Variants in MINAR1 observed in about 807,000 individuals in gnomAD.
MINAR1 encodes the protein membrane integral NOTCH2 associated receptor 1.
A neutral mutation model predicts 65.1 loss-of-function variants in MINAR1; 40 were observed. The observed-to-expected ratio is 0.61, with a 90% CI of 0.48 to 0.80. The LOEUF is 0.80. Among genes scored for constraint, MINAR1 ranks in the 30% least tolerant of loss-of-function variants. MINAR1 has a pLI of 0.00. For missense variants in MINAR1, 1,128 were observed against 1,148.0 expected (o/e 0.98, Z 0.25); for synonymous variants, 482 against 449.1 (o/e 1.07, Z -0.93).
the MINAR1 span, chr15:79,416,889 T>TC: frequency 2.0e-5 from 3 of 152,298 alleles, no homozygotes; most frequent in Admixed American, 1.3e-4. Context: ...CTGCTCCTCC[T>TC]CTCAGCATCC....
rs1259044039 is a variant in MINAR1, at chr15:79,456,854, G to A, written c.707G>A (p.Ser236Asn). Residue 236 changes from serine (S) to asparagine (N), a missense_variant, in exon 2 of 4, where the codon AGC becomes AAC. Transcript: ENST00000305428. ...CAGGACTCCCTGCCCATCAATCAGA[G>A]CATCAAGGAGACCTTCATTTCCAAT... is the stretch of plus-strand genomic sequence containing the variant. ...SDQDSLPINQ[S>N]IKETFISNEE... 1.2e-6 allele frequency: 2 copies of A among 1,614,132 alleles called. No homozygotes were observed. Among genetic ancestry groups the A allele is most frequent in the Non-Finnish European group, 8.5e-7 (1 of 1,180,014 alleles).
Position 79,457,986 on chromosome 15 carries a change from G to C in MINAR1, c.1839G>C (p.Leu613=). ...IGEIERKLES[L]SGVRDEISQV... ...AAATTGAACGGAAGCTGGAATCCCT[G>C]TCGGGTGTCCGTGATGAAATCTCCC... Residue 613 remains leucine (L), a synonymous_variant, in exon 2 of 4, where the codon CTG becomes CTC. Coordinates refer to ENST00000305428, the MANE Select transcript of MINAR1 (RefSeq NM_015206.3). 1 of 1,614,112 alleles carries C rather than the reference G, an allele frequency of 6.2e-7. No homozygotes were observed. Among genetic ancestry groups the C allele is most frequent in the Non-Finnish European group, 8.5e-7 (1 of 1,179,994 alleles).
At chr15:79,422,475 G>T in the MINAR1 span, 1 of 151,892 alleles carries the variant, frequency 6.6e-6, no homozygotes, top group African/African-American at 2.4e-5. Context: ...TTGAACCCGG[G>T]AGGTGGAGGT....
intron 1 of MINAR1, among the ~76,000 whole-genome samples, chr15:79,440,626 C>T (rs937161011): frequency 2.0e-5 from 3 of 152,110 alleles, no homozygotes; most frequent in Non-Finnish European, 4.4e-5. Flanking sequence ...TCTGCTCTTC[C>T]GGTTCCCTCT....
the MINAR1 span, chr15:79,413,520 C>G: frequency 6.6e-6 from 1 of 152,248 alleles, no homozygotes; most frequent in Admixed American, 6.5e-5. Context: ...TTAAAATACA[C>G]ACATGGTGAG....
chr15:79,470,301 G>T lies in MINAR1; in HGVS notation c.*1917G>T, dbSNP rs1896033744. Reference sequence around the variant, plus strand: ...CTACTAGGTTACCACTCTGGGCATTGCCTTTCCACCTAACCCCTCAACCAG... The same window carrying T: ...CTACTAGGTTACCACTCTGGGCATTTCCTTTCCACCTAACCCCTCAACCAG... On this transcript the variant is annotated 3_prime_UTR_variant, in exon 4 of 4. Coordinates refer to ENST00000305428, the MANE Select transcript of MINAR1 (RefSeq NM_015206.3). 1 of 152,452 alleles carries T rather than the reference G, an allele frequency of 6.6e-6. No homozygotes were observed. Among genetic ancestry groups the T allele is most frequent in the Admixed American group, 6.5e-5 (1 of 15,274 alleles). 9.4% of individuals were successfully genotyped at this position (152,452 alleles called of 1,614,324 possible). A position where few individuals can be genotyped will look rare whatever the true frequency, so the allele number is the denominator to read the frequency against.
chr15:79,428,581 T>A, upstream of MINAR1, among the ~76,000 whole-genome samples: 1 of 151,690 alleles, frequency 6.6e-6, no homozygotes, highest in East Asian at 1.9e-4. Context: ...TCACAAACTT[T>A]TGCGGAATAC....
At chr15:79,465,591 A>G (rs1412719473) in intron 3 of MINAR1, among the ~76,000 whole-genome samples, 3 of 152,154 alleles carry the variant, frequency 2.0e-5, no homozygotes, top group Non-Finnish European at 4.4e-5. Flanking sequence ...GTATATAGCT[A>G]TGAAAGAAAG....
chr15:79,425,458 G>A, the MINAR1 span: 1 of 152,334 alleles, frequency 6.6e-6, no homozygotes, highest in East Asian at 1.9e-4. Context: ...CCTGTACCAG[G>A]ACAGCATGTC....
upstream of MINAR1, among the ~76,000 whole-genome samples, chr15:79,431,160 C>G (rs932696879): frequency 1.2e-4 from 16 of 134,646 alleles, no homozygotes; most frequent in Admixed American, 8.8e-4. Context: ...CAGCTCTGTT[C>G]GGTAACTCGG....
chr15:79,432,301 G>GGCGCCGCGCGTGTGA (rs67201735), upstream of MINAR1, among the ~76,000 whole-genome samples: 79 of 152,040 alleles, frequency 5.2e-4, no homozygotes, highest in Non-Finnish European at 7.5e-4. Flanking sequence ...CAGCCAGGTG[G>GGCGCCGCGCGTGTGA]GCGCCGCGCG....
chr15:79,415,746 A>C, the MINAR1 span: 1 of 152,308 alleles, frequency 6.6e-6, no homozygotes, highest in South Asian at 2.1e-4. Flanking sequence ...TGAGTGTGTC[A>C]AAGCCATAAC....
At chr15:79,433,396 G>A (rs77748840) in intron 1 of MINAR1, among the ~76,000 whole-genome samples, 1 of 152,196 alleles carries the variant, frequency 6.6e-6, no homozygotes, top group African/African-American at 2.4e-5. Context: ...GTTCAGGTGC[G>A]CTTAATTCAG....
the MINAR1 span, chr15:79,424,455 G>A: frequency 6.6e-6 from 1 of 152,234 alleles, no homozygotes; most frequent in Non-Finnish European, 1.5e-5. Context: ...TCTGAACGAC[G>A]TGGTGAAGTC....
intron 1 of MINAR1, among the ~76,000 whole-genome samples, chr15:79,452,533 AGTGTGTGGGT>A (rs201878893): frequency 0.28 from 39,561 of 141,948 alleles, 5,962 homozygotes; most frequent in East Asian, 0.55. Context: ...TGACTGGGTG[AGTGTGTGGGT>A]GTGTGTGGGT....
chr15:79,448,875 CA>C (rs1356789562), intron 1 of MINAR1, among the ~76,000 whole-genome samples: 4 of 152,204 alleles, frequency 2.6e-5, no homozygotes, highest in African/African-American at 9.6e-5. Context: ...ATCCCTAAAT[CA>C]TCTCTCTCTC....
At chr15:79,411,667 T>C in the MINAR1 span, 4 of 585,040 alleles carry the variant, frequency 6.8e-6, no homozygotes, top group Non-Finnish European at 1.2e-5. Flanking sequence ...AGGAACAACC[T>C]GCTCTCACCA....
chr15:79,430,896 T>C (rs956303963), upstream of MINAR1, among the ~76,000 whole-genome samples: 2 of 152,132 alleles, frequency 1.3e-5, no homozygotes, highest in African/African-American at 4.8e-5. Flanking sequence ...TTTAAAAAAC[T>C]TTTTATTAGG....
the MINAR1 span, chr15:79,423,240 C>G: frequency 2.4e-5 from 3 of 126,128 alleles, no homozygotes; most frequent in Admixed American, 2.2e-4. Flanking sequence ...TTAGAGTAAT[C>G]TCTAAAATAT....
Sources: gnomAD v4.1 joint callset for allele counts (sites outside exome capture counted in the v4.1 genomes callset) on GRCh38, gnomAD v4.1.1 for gene constraint, MANE v1.5 for transcripts, NCBI Gene and HGNC (gene_info 2026-07-23, HGNC 2026-07-21) for gene names.